Variants in SLC9C2 observed in about 807,000 individuals in gnomAD.
The protein encoded by SLC9C2 is solute carrier family 9 member C2 (putative), also known as sodium/hydrogen exchanger 11.
In SLC9C2, 75 loss-of-function variants were observed where a neutral mutation model predicts 140.2. The observed-to-expected ratio is 0.53, with a 90% confidence interval of 0.44 to 0.65. The LOEUF is 0.65. Among genes scored for constraint, SLC9C2 ranks in the 30% least tolerant of loss-of-function variants. The probability of loss-of-function intolerance (pLI) is 0.00; values close to 1 mark genes in which losing one functional copy is unlikely to be tolerated. For missense variants in SLC9C2, 1,074 were observed against 1,331.8 expected (o/e 0.81, Z 3.01); for synonymous variants, 375 against 420.9 (o/e 0.89, Z 1.34).
chr1:173,584,965 T>C (rs1402728414), intron 5 of SLC9C2, among the ~76,000 whole-genome samples: 1 of 152,200 alleles, frequency 6.6e-6, no homozygotes, highest in African/African-American at 2.4e-5. Flanking sequence ...ATTATATTCA[T>C]TGTAAAATTT....
At chr1:173,557,595 A>G in intron 9 of SLC9C2, 87 bp from the exon 10 acceptor site, 1 of 1,275,250 alleles carries the variant, frequency 7.8e-7, no homozygotes, top group Non-Finnish European at 1.1e-6. Flanking sequence ...TACTAAATTT[A>G]ATATAAAAAT....
chr1:173,540,005 G>C (rs1662260138), intron 13 of SLC9C2, among the ~76,000 whole-genome samples: 1 of 152,270 alleles, frequency 6.6e-6, no homozygotes. Flanking sequence ...ACTCTGGACT[G>C]GTTTTGTGAT....
At chr1:173,535,736 T>C in intron 15 of SLC9C2, 94 bp downstream of exon 15, 3 of 1,345,742 alleles carry the variant, frequency 2.2e-6, no homozygotes, top group Non-Finnish European at 2.9e-6. Flanking sequence ...AATATAGTTT[T>C]TCTCAAATAA....
intron 13 of SLC9C2, among the ~76,000 whole-genome samples, chr1:173,541,870 G>T (rs1336684168): frequency 6.6e-6 from 1 of 152,190 alleles, no homozygotes; most frequent in Admixed American, 6.5e-5. Context: ...GTGTGTAGAG[G>T]AAAATTTATA....
chr1:173,505,991 T>A (rs921005502), intron 25 of SLC9C2, among the ~76,000 whole-genome samples: 1 of 152,210 alleles, frequency 6.6e-6, no homozygotes, highest in Non-Finnish European at 1.5e-5. Flanking sequence ...GTATTACTCC[T>A]GTTGCTTCCT....
chr1:173,595,080 T>C (rs1412141680), intron 4 of SLC9C2, among the ~76,000 whole-genome samples: 1 of 152,164 alleles, frequency 6.6e-6, no homozygotes, highest in Admixed American at 6.5e-5. Flanking sequence ...TTTGTATTTT[T>C]AGTAGAAATG....
chr1:173,517,944 C>A (rs991149825), intron 22 of SLC9C2, among the ~76,000 whole-genome samples: 2 of 152,112 alleles, frequency 1.3e-5, no homozygotes, highest in Non-Finnish European at 2.9e-5. Context: ...TTACAACTTT[C>A]TACTTATACC....
chr1:173,567,425 CTCT>C (rs1218544654), intron 9 of SLC9C2, among the ~76,000 whole-genome samples: 1 of 152,076 alleles, frequency 6.6e-6, no homozygotes, highest in Non-Finnish European at 1.5e-5. Context: ...CCTTCTTTGT[CTCT>C]TCTTACAGTT....
intron 26 of SLC9C2, among the ~76,000 whole-genome samples, chr1:173,504,801 T>A (rs1433733968): frequency 6.6e-6 from 1 of 152,164 alleles, no homozygotes; most frequent in East Asian, 1.9e-4. Flanking sequence ...TCAAGGCAAG[T>A]CATTTGACTT....
At chr1:173,525,878 T>C (rs1416871785) in intron 19 of SLC9C2, among the ~76,000 whole-genome samples, 1 of 152,364 alleles carries the variant, frequency 6.6e-6, no homozygotes, top group East Asian at 1.9e-4. Context: ...CAATGGGTCA[T>C]GGGTTTTCTG....
In SLC9C2 at chr1:173,506,481, C is replaced by G. The variant is rs146339313; in HGVS notation, c.3225+375G>C. Among the ~76,000 whole-genome samples, 45 of 152,368 alleles carry G rather than the reference C, an allele frequency of 3.0e-4. No homozygotes were observed. In the Middle Eastern group the frequency reaches 0.01, roughly 35 times the overall value. ...TCAACAAAGTGATGTGGCCCCTACTCTACTCCTTTTTTGTCAACCAGTGCA... is the reference window on the plus strand; with the variant it reads ...TCAACAAAGTGATGTGGCCCCTACTGTACTCCTTTTTTGTCAACCAGTGCA... On this transcript the variant is annotated intron_variant, in intron 25 of 27. Transcript: ENST00000367714.
intron 11 of SLC9C2, among the ~76,000 whole-genome samples, chr1:173,549,956 A>T (rs1296793463): frequency 3.9e-5 from 6 of 152,190 alleles, no homozygotes; most frequent in African/African-American, 1.4e-4. Context: ...ATTTTATCTT[A>T]AAAAAAGAGA....
intron 15 of SLC9C2, 140 bp from the exon 16 acceptor site, chr1:173,534,822 C>A: frequency 1.5e-6 from 1 of 683,630 alleles, no homozygotes; most frequent in Non-Finnish European, 2.0e-6. Flanking sequence ...AAATCAAAAG[C>A]ATATTTTCTA....
chr1:173,546,443 T>C (rs1309392731), intron 13 of SLC9C2, among the ~76,000 whole-genome samples: 1 of 152,144 alleles, frequency 6.6e-6, no homozygotes, highest in Non-Finnish European at 1.5e-5. Context: ...TACCTGGGCA[T>C]GGTGGCACGC....
chr1:173,560,784 CTTTTTAA>C (rs980306809), intron 9 of SLC9C2, among the ~76,000 whole-genome samples: 4 of 152,044 alleles, frequency 2.6e-5, no homozygotes, highest in African/African-American at 7.2e-5. Context: ...TTCTCTCTTT[CTTTTTAA>C]TTTTTAATTT....
intron 8 of SLC9C2, among the ~76,000 whole-genome samples, chr1:173,574,723 G>C (rs1350042429): frequency 7.2e-6 from 1 of 139,652 alleles, no homozygotes; most frequent in African/African-American, 2.5e-5. Flanking sequence ...TGTTAGCCAG[G>C]ATGGTCTTGA....
At chr1:173,599,966 G>T in intron 3 of SLC9C2, 151 bp downstream of exon 3, 2 of 516,738 alleles carry the variant, frequency 3.9e-6, no homozygotes, top group Non-Finnish European at 3.5e-6. Flanking sequence ...TTACTGTGTG[G>T]TTATTTTCCA....
At chr1:173,541,369 G>A (rs562040469) in intron 13 of SLC9C2, among the ~76,000 whole-genome samples, 30 of 152,170 alleles carry the variant, frequency 2.0e-4, no homozygotes, top group South Asian at 1.0e-3. Context: ...CAAGTCCTTA[G>A]AGACCTAGAA....
At chr1:173,533,490 G>T (rs775611296) in intron 17 of SLC9C2, 119 bp downstream of exon 17, 5 of 678,082 alleles carry the variant, frequency 7.4e-6, no homozygotes, top group African/African-American at 1.8e-5. Flanking sequence ...TGTTACCCAG[G>T]TTGTCTCAAA....
Sources: gnomAD v4.1 joint callset for allele counts (sites outside exome capture counted in the v4.1 genomes callset) on GRCh38, gnomAD v4.1.1 for gene constraint, MANE v1.5 for transcripts, NCBI Gene and HGNC (gene_info 2026-07-23, HGNC 2026-07-21) for gene names.